The following CTNNA3 variants were observed in gnomAD, a reference collection of about 807,000 sequenced individuals.
CTNNA3 encodes catenin alpha-3.
In CTNNA3, 76 loss-of-function variants were observed where a neutral mutation model predicts 95.7. The observed-to-expected ratio is 0.79, with a 90% confidence interval of 0.66 to 0.96. The LOEUF (loss-of-function observed/expected upper bound fraction) is 0.96, where lower values mean the gene tolerates loss of function less well. CTNNA3 is among the 40% of genes least tolerant of loss of function. The probability of loss-of-function intolerance (pLI) is 0.00; values close to 1 mark genes in which losing one functional copy is unlikely to be tolerated. For missense variants in CTNNA3, 1,191 were observed against 1,089.8 expected, an observed-to-expected ratio of 1.09 and a Z score of -1.31; for synonymous variants, 431 against 374.4, an observed-to-expected ratio of 1.15 and a Z score of -1.74.
At chr10:67,537,780 AT>A (rs1428071028) in intron 4 of CTNNA3, among the ~76,000 whole-genome samples, 1 of 152,152 alleles carries the variant, frequency 6.6e-6, no homozygotes, top group Non-Finnish European at 1.5e-5. Flanking sequence ...TGTTTACAGC[AT>A]TTGTTAGTGT....
chr10:66,140,945 A>T (rs1388420695), intron 13 of CTNNA3, among the ~76,000 whole-genome samples: 1 of 152,152 alleles, frequency 6.6e-6, no homozygotes, highest in Non-Finnish European at 1.5e-5. Flanking sequence ...AAACATCATA[A>T]TCTAAGAACA....
chr10:66,320,534 C>T (rs941925346), intron 12 of CTNNA3, among the ~76,000 whole-genome samples: 10 of 152,108 alleles, frequency 6.6e-5, no homozygotes, highest in African/African-American at 1.9e-4. Context: ...ATCTCCACAA[C>T]CCTTGGCCAC....
At chr10:66,146,820 G>A (rs2083910141) in intron 13 of CTNNA3, among the ~76,000 whole-genome samples, 1 of 152,142 alleles carries the variant, frequency 6.6e-6, no homozygotes, top group South Asian at 2.1e-4. Context: ...GCTTCCCAAA[G>A]TATTGGGATT....
At chr10:66,164,828 C>T (rs1041747483) in intron 13 of CTNNA3, among the ~76,000 whole-genome samples, 1 of 152,220 alleles carries the variant, frequency 6.6e-6, no homozygotes, top group African/African-American at 2.4e-5. Context: ...ATCCTTCCAA[C>T]ACTGGTTCTA....
intron 13 of CTNNA3, among the ~76,000 whole-genome samples, chr10:66,251,027 G>T (rs142744419): frequency 0.012 from 1,801 of 152,220 alleles, 18 homozygotes; most frequent in Middle Eastern, 0.048. Context: ...ATGATTGACT[G>T]AATGAGAGGT....
At chr10:67,425,818 G>T (rs181304513) in intron 5 of CTNNA3, among the ~76,000 whole-genome samples, 2 of 151,996 alleles carry the variant, frequency 1.3e-5, no homozygotes, top group Non-Finnish European at 2.9e-5. Context: ...TGTTATGACC[G>T]TTTTTGTTGC....
intron 5 of CTNNA3, among the ~76,000 whole-genome samples, chr10:67,445,335 T>C (rs561251486): frequency 7.3e-5 from 11 of 151,654 alleles, no homozygotes; most frequent in African/African-American, 2.7e-4. Flanking sequence ...ATAAATAATA[T>C]TATTGAATAT....
intron 11 of CTNNA3, among the ~76,000 whole-genome samples, chr10:66,480,998 T>C (rs775601872): frequency 2.0e-4 from 31 of 152,192 alleles, no homozygotes; most frequent in Non-Finnish European, 4.6e-4. Context: ...AACTGACTTC[T>C]AACAAATTCA....
chr10:66,857,617 C>A (rs1843733005), intron 7 of CTNNA3, among the ~76,000 whole-genome samples: 1 of 151,624 alleles, frequency 6.6e-6, no homozygotes, highest in Admixed American at 6.6e-5. Flanking sequence ...TTGTAGATAT[C>A]TTTCGCCTCT....
chr10:66,082,756 C>T (rs2133651315), intron 14 of CTNNA3, among the ~76,000 whole-genome samples: 1 of 152,192 alleles, frequency 6.6e-6, no homozygotes, highest in South Asian at 2.1e-4. Flanking sequence ...AAAATATGCA[C>T]CTGAATTGTC....
At chr10:67,058,949 A>T (rs1015812124) in intron 7 of CTNNA3, among the ~76,000 whole-genome samples, 1 of 152,198 alleles carries the variant, frequency 6.6e-6, no homozygotes. Flanking sequence ...TCACCAAAAA[A>T]AGGCAAGAAA....
At chr10:67,111,522 A>G (rs1858908368) in intron 7 of CTNNA3, among the ~76,000 whole-genome samples, 1 of 152,122 alleles carries the variant, frequency 6.6e-6, no homozygotes, top group Non-Finnish European at 1.5e-5. Context: ...TCTTGGTTTT[A>G]CATGACTGTT....
At chr10:66,789,152 T>G (rs533874752) in intron 7 of CTNNA3, among the ~76,000 whole-genome samples, 5 of 142,874 alleles carry the variant, frequency 3.5e-5, no homozygotes, top group African/African-American at 1.4e-4. Flanking sequence ...ATTTATCTGC[T>G]TACTAAACCT....
intron 6 of CTNNA3, among the ~76,000 whole-genome samples, chr10:67,203,658 T>C (rs754491326): frequency 3.9e-5 from 6 of 152,190 alleles, no homozygotes; most frequent in Non-Finnish European, 8.8e-5. Flanking sequence ...TGAAATATTA[T>C]AAAAATATCT....
chr10:67,675,240 A>G (rs1274650012), intron 1 of CTNNA3, among the ~76,000 whole-genome samples: 3 of 152,128 alleles, frequency 2.0e-5, no homozygotes, highest in African/African-American at 7.2e-5. Context: ...CTTTTGTTAA[A>G]TGATGTATGA....
intron 5 of CTNNA3, among the ~76,000 whole-genome samples, chr10:67,502,945 C>G (rs1839279273): frequency 6.6e-6 from 1 of 152,190 alleles, no homozygotes; most frequent in Admixed American, 6.5e-5. Context: ...ACTTGGCTCC[C>G]TGGCTTCAGC....
At chr10:66,324,926 T>C (rs1296761940) in intron 12 of CTNNA3, among the ~76,000 whole-genome samples, 1 of 151,362 alleles carries the variant, frequency 6.6e-6, no homozygotes, top group Admixed American at 6.6e-5. Context: ...ACATTGGAGA[T>C]ATTTTCTGGA....
At chr10:67,698,816 C>G (rs1841009625), upstream of CTNNA3, among the ~76,000 whole-genome samples, 1 of 151,738 alleles carries the variant, frequency 6.6e-6, no homozygotes, top group African/African-American at 2.4e-5. Context: ...ATGAATCTGC[C>G]CCTGATTTGA....
intron 2 of CTNNA3, among the ~76,000 whole-genome samples, chr10:67,620,110 T>C (rs1425883145): frequency 6.6e-6 from 1 of 152,080 alleles, no homozygotes; most frequent in Non-Finnish European, 1.5e-5. Context: ...TAATGCCAGA[T>C]ACTGGATGGA....
Sources: gnomAD v4.1 joint callset for allele counts (sites outside exome capture counted in the v4.1 genomes callset) on GRCh38, gnomAD v4.1.1 for gene constraint, MANE v1.5 for transcripts, NCBI Gene and HGNC (gene_info 2026-07-23, HGNC 2026-07-21) for gene names.